SCN4A: variants seen among roughly 807,000 people sequenced by gnomAD.
SCN4A encodes the protein sodium channel protein type 4 subunit alpha.
A neutral mutation model predicts 162.0 loss-of-function variants in SCN4A; 83 were observed. That is an observed-to-expected ratio of 0.51 (90% confidence interval 0.43 to 0.61). The LOEUF is 0.61. Ranked by LOEUF, SCN4A falls within the 20% of genes least tolerant of loss-of-function variation. The pLI, the probability that SCN4A is intolerant of heterozygous loss-of-function variation, is 0.00. For missense variants in SCN4A, 2,196 were observed against 2,462.5 expected, an observed-to-expected ratio of 0.89 and a Z score of 2.29; for synonymous variants, 944 against 985.1, an observed-to-expected ratio of 0.96 and a Z score of 0.78.
rs1184938683 is a variant in SCN4A, at chr17:63,972,900, C to T, written c.-59G>A. 13 of 1,526,326 alleles carry T rather than the reference C, an allele frequency of 8.5e-6. No individual in the cohort carries two copies. The highest frequency in any genetic ancestry group is 2.7e-5 in the African/African-American group (2 of 73,150). 94.5% of individuals were successfully genotyped at this position (1,526,326 alleles called of 1,614,324 possible). ...GTGGGTGGCCTGGGGAGCTGCAGTGCGCAGCCCCGGGGTGCTGGGCGGCCG... is the reference window on the plus strand; with the variant it reads ...GTGGGTGGCCTGGGGAGCTGCAGTGTGCAGCCCCGGGGTGCTGGGCGGCCG... On this transcript the variant is annotated 5_prime_UTR_variant, in exon 1 of 24. Coordinates refer to ENST00000435607, the MANE Select transcript of SCN4A (RefSeq NM_000334.4). This position sits in a 1 kb window ranked among gnomAD's most constrained non-coding sequence, Gnocchi z 4.3.
At chr17:63,946,840 T>G (rs1597970301) in intron 18 of SCN4A, among the ~76,000 whole-genome samples, 1 of 147,806 alleles carries the variant, frequency 6.8e-6, no homozygotes, top group Non-Finnish European at 1.5e-5. Context: ...GGGCTGAGAG[T>G]GGGAATGGGG....
Position 63,944,900 on chromosome 17 carries a change from C to T in SCN4A, c.3775-90G>A. 6.3e-7 allele frequency: 1 copy of T among 1,594,524 alleles called. No individual in the cohort carries two copies. Among genetic ancestry groups the T allele is most frequent in the Non-Finnish European group, 8.6e-7 (1 of 1,168,396 alleles). On this transcript the variant is annotated intron_variant, in intron 20 of 23. Transcript: ENST00000435607. This position sits in a 1 kb window ranked among gnomAD's most constrained non-coding sequence, Gnocchi z 4.3. ...CCTGAGGGCAGGACCCATCCACCCC[C>T]AGGGCTGCCAAGTCTCGGGGACAGA...
At position 63,950,284 on chromosome 17, in the gene SCN4A, G is replaced by A. The variant is rs1219432090; in HGVS notation, c.2854-756C>T. ...CCAGAAAACCACCATGGCCGGGGTG[G>A]GGGTCCTTGTTTTCATTAGACTAAA... On this transcript the variant is annotated intron_variant, in intron 14 of 23. Transcript: ENST00000435607. This position sits in a 1 kb window ranked among gnomAD's most constrained non-coding sequence, Gnocchi z 4.6. 6.6e-6 allele frequency among the ~76,000 whole-genome samples: 1 copy of A among 152,150 alleles called. No homozygotes were observed.
rs538968877 is a variant in SCN4A, at chr17:63,941,716, G to A, written c.4566C>T (p.Phe1522=). 2.1e-5 allele frequency: 34 copies of A among 1,614,114 alleles called. No individual in the cohort carries two copies. The highest frequency in any genetic ancestry group is 9.3e-5 in the African/African-American group (7 of 75,012). The change falls in exon 24 of 24, where the codon TTC becomes TTT. Residue 1522 remains phenylalanine (F), a synonymous_variant. Coordinates refer to ENST00000435607, the MANE Select transcript of SCN4A (RefSeq NM_000334.4). This position sits in a 1 kb window ranked among gnomAD's most constrained non-coding sequence, Gnocchi z 6.2. ...CGAACAGGCAGATGATGCTGTTGCC[G>A]AAGGTCTCGAAGTTGAACATATCAT... is the stretch of plus-strand genomic sequence containing the variant. The part of the protein sequence containing the change: ...GIDDMFNFET[F]GNSIICLFEI...
chr17:63,959,469 G>A, intron 11 of SCN4A, 31 bp from the exon 12 acceptor site: 2 of 1,602,406 alleles, frequency 1.2e-6, no homozygotes, highest in South Asian at 1.1e-5. Context: ...CTGTCACAGA[G>A]CCTCGGGGAG....
intron 22 of SCN4A, among the ~76,000 whole-genome samples, chr17:63,943,341 T>TCCCTCCTCCCTGGGGACC (rs147283432): frequency 3.3e-5 from 5 of 151,636 alleles, no homozygotes; most frequent in Non-Finnish European, 5.9e-5. Flanking sequence ...TTCATGGTCC[T>TCCCTCCTCCCTGGGGACC]CCCTTCAAGA....
rs763827415 is a variant in SCN4A, at chr17:63,941,896, G to C, written c.4386C>G (p.Ile1462Met). The change falls in exon 24 of 24, where the codon ATC (isoleucine) becomes ATG (methionine). Residue 1462 changes from isoleucine (I) to methionine (M), a missense_variant. Transcript: ENST00000435607. This position sits in a 1 kb window ranked among gnomAD's most constrained non-coding sequence, Gnocchi z 6.2. ...LARIGRVLRL[I>M]RGAKGIRTLL... ...GCGTCCGGATGCCCTTGGCCCCGCGGATCAGCCGCAGGACACGCCCAATCC... is the reference window on the plus strand; with the variant it reads ...GCGTCCGGATGCCCTTGGCCCCGCGCATCAGCCGCAGGACACGCCCAATCC... The C allele has an allele frequency of 3.0e-5, 48 of 1,613,302 alleles. No homozygotes were observed. The highest frequency in any genetic ancestry group is 5.1e-6 in the Non-Finnish European group (6 of 1,179,336).
At chr17:63,956,187 G>A (rs537573228) in intron 13 of SCN4A, among the ~76,000 whole-genome samples, 4 of 152,314 alleles carry the variant, frequency 2.6e-5, no homozygotes, top group South Asian at 2.1e-4. Context: ...CACAGTAAGC[G>A]GCAGAAGAGA....
intron 15 of SCN4A, 48 bp downstream of exon 15, chr17:63,949,345 G>A (rs1379132013): frequency 6.6e-7 from 1 of 1,525,860 alleles, no homozygotes; most frequent in Non-Finnish European, 8.8e-7. Flanking sequence ...CCTTGCAGGG[G>A]CTGCAGGCCT....
chr17:63,949,702 G>T, intron 14 of SCN4A, 174 bp from the exon 15 acceptor site: 1 of 690,366 alleles, frequency 1.4e-6, no homozygotes, highest in South Asian at 2.0e-5. Context: ...CGGGGACGTA[G>T]GTGGCCCTGG....
rs1283208374 is a variant in SCN4A, at chr17:63,939,378, A to T, written c.*1393T>A. 2 of 152,262 alleles carry T rather than the reference A, an allele frequency of 1.3e-5. No individual in the cohort carries two copies. The highest frequency in any genetic ancestry group is 1.3e-4 in the Admixed American group (2 of 15,276). The allele number at this position is 152,262 out of a possible 1,614,324, so 9.4% of individuals were successfully genotyped here. A position where few individuals can be genotyped will look rare whatever the true frequency, so the allele number is the denominator to read the frequency against. ...GAAACAGTCCAGGGCACACATATAT[A>T]CACATATATACAAAGATACCCAGAC... On this transcript the variant is annotated 3_prime_UTR_variant, in exon 24 of 24. Coordinates refer to ENST00000435607, the MANE Select transcript of SCN4A (RefSeq NM_000334.4).
Position 63,968,316 on chromosome 17 carries a change from T to G in SCN4A, c.743A>C (p.Lys248Thr). The change falls in exon 6 of 24, where the codon AAA becomes ACA. Residue 248 changes from lysine to threonine, a missense_variant. By Grantham distance (78) the Lys-to-Thr change is moderately conservative. Transcript: ENST00000435607. ...GAGGATCATCACATCCGACAGCTTTTTCACCGACTGGATCAGGGCCCCCAC... is the reference window on the plus strand; with the variant it reads ...GAGGATCATCACATCCGACAGCTTTGTCACCGACTGGATCAGGGCCCCCAC... ...TIVGALIQSV[K>T]KLSDVMILTV... The G allele has an allele frequency of 1.2e-6, 2 of 1,609,366 alleles. No individual in the cohort carries two copies. The highest frequency in any genetic ancestry group is 1.7e-6 in the Non-Finnish European group (2 of 1,176,174).
Position 63,972,884 on chromosome 17 carries a change from C to T in SCN4A, c.-43G>A. 1.3e-6 allele frequency: 2 copies of T among 1,563,574 alleles called. No homozygotes were observed. Among genetic ancestry groups the T allele is most frequent in the South Asian group, 1.2e-5 (1 of 83,374 alleles). On this transcript the variant is annotated 5_prime_UTR_variant, in exon 1 of 24. Coordinates refer to ENST00000435607, the MANE Select transcript of SCN4A (RefSeq NM_000334.4). The surrounding 1 kb of genome is among the most constrained non-coding windows in gnomAD (Gnocchi z 4.3). ...AGAGACCAGAAGGGTGGTGGGTGGC[C>T]TGGGGAGCTGCAGTGCGCAGCCCCG... is the stretch of plus-strand genomic sequence containing the variant.
chr17:63,942,764 G>A lies in SCN4A; in HGVS notation c.4288+62C>T. On this transcript the variant is annotated intron_variant, in intron 23 of 23. Coordinates refer to ENST00000435607, the MANE Select transcript of SCN4A (RefSeq NM_000334.4). ...GCAGGGGCAGGTGTGTCCGTGTGAGGATGGGTCTTCCCGAGTGCCTCAGCT... is the reference window on the plus strand; with the variant it reads ...GCAGGGGCAGGTGTGTCCGTGTGAGAATGGGTCTTCCCGAGTGCCTCAGCT... 20 of 1,535,966 alleles carry A rather than the reference G, an allele frequency of 1.3e-5. No homozygotes were observed. The South Asian group carries it at 2.3e-4, about 18-fold the overall frequency.
chr17:63,951,667 C>T lies in SCN4A; in HGVS notation c.2610G>A (p.Ala870=), dbSNP rs375918619. 61 of 1,605,584 alleles carry T rather than the reference C, an allele frequency of 3.8e-5. No homozygotes were observed. The highest frequency in any genetic ancestry group is 1.6e-4 in the Middle Eastern group (1 of 6,066). Residue 870 remains alanine, a synonymous_variant, in exon 14 of 24, where the codon GCG becomes GCA. Coordinates refer to ENST00000435607, the MANE Select transcript of SCN4A (RefSeq NM_000334.4). The surrounding 1 kb of genome is among the most constrained non-coding windows in gnomAD (Gnocchi z 4.5). ...EADGAGEAGE[A]GETAPEDEKK... ...TCTCATCCTCGGGGGCAGTCTCCCC[C>T]GCCTCTCCAGCCTCCCCGGCCCCGT...
chr17:63,966,721 T>C (rs917348153), intron 6 of SCN4A, among the ~76,000 whole-genome samples, 177 bp from the exon 7 acceptor site: 1 of 152,216 alleles, frequency 6.6e-6, no homozygotes, highest in African/African-American at 2.4e-5. Context: ...GGTCTCTGGG[T>C]AGGGACTCGG....
chr17:63,942,821 C>T lies in SCN4A; in HGVS notation c.4288+5G>A. On this transcript the variant is annotated splice_donor_5th_base_variant and intron_variant, in intron 23 of 23. Transcript: ENST00000435607. ...TGCCCTGCCGGTCCAGCCCGCCCCG[C>T]TCACCCACAATGGACAGGATGACGA... The T allele has an allele frequency of 4.3e-6, 7 of 1,612,404 alleles. No individual in the cohort carries two copies. The highest frequency in any genetic ancestry group is 5.9e-6 in the Non-Finnish European group (7 of 1,178,556).
intron 22 of SCN4A, 96 bp from the exon 23 acceptor site, chr17:63,943,192 G>A (rs965351764): frequency 1.9e-6 from 2 of 1,052,122 alleles, no homozygotes; most frequent in African/African-American, 3.2e-5. Flanking sequence ...ACCACAGCAT[G>A]ACAGAGATGA....
rs556993590 is a variant in SCN4A at position 63,946,469 on chromosome 17, C to A, written c.3441+576G>T. Among the ~76,000 whole-genome samples the A allele has an allele frequency of 1.0e-3, 134 of 128,426 alleles. 5 individuals are homozygous for A. The highest frequency in any genetic ancestry group is 1.0e-2 in the South Asian group (38 of 3,804). 84.3% of individuals were successfully genotyped at this position (128,426 alleles called of 152,430 possible). A position where few individuals can be genotyped will look rare whatever the true frequency, so the allele number is the denominator to read the frequency against. Reference sequence around the variant, plus strand: ...GGAAGTCCCATTTTTCTTGCCCCCCCCCCCACCCCGCCGCAACCCTGTGTT... The same window carrying A: ...GGAAGTCCCATTTTTCTTGCCCCCCACCCCACCCCGCCGCAACCCTGTGTT... On this transcript the variant is annotated intron_variant, in intron 18 of 23. Transcript: ENST00000435607.
Sources: allele counts gnomAD v4.1 joint callset (sites outside exome capture counted in the v4.1 genomes callset), GRCh38; gene constraint gnomAD v4.1.1; non-coding constraint Gnocchi (gnomAD v3.1); transcripts MANE v1.5; gene names NCBI Gene and HGNC (gene_info 2026-07-23, HGNC 2026-07-21).